WWOX: variants seen among roughly 807,000 people sequenced by gnomAD.
The protein encoded by WWOX is WW domain-containing oxidoreductase.
A neutral mutation model predicts 46.2 loss-of-function variants in WWOX; 69 were observed. That is an observed-to-expected ratio of 1.49 (90% confidence interval 1.23 to 1.82). WWOX has a LOEUF of 1.82. Ranked by LOEUF, WWOX falls within the 40% of genes most tolerant of loss-of-function variation. WWOX has a pLI of 0.00. For missense variants in WWOX, 919 were observed against 542.6 expected (o/e 1.69, Z -6.89); for synonymous variants, 359 against 202.6 (o/e 1.77, Z -6.56).
At chr16:78,905,060 G>A (rs2044926739) in intron 8 of WWOX, among the ~76,000 whole-genome samples, 1 of 152,108 alleles carries the variant, frequency 6.6e-6, no homozygotes, top group Admixed American at 6.6e-5. Context: ...AGCTAGAAAT[G>A]TGAGTCTCTG....
chr16:78,328,084 G>A lies in WWOX; in HGVS notation c.517-58776G>A, dbSNP rs190410781. Among the ~76,000 whole-genome samples, 411 of 152,080 alleles carry A rather than the reference G, an allele frequency of 2.7e-3. 2 individuals carry two copies. Among genetic ancestry groups the A allele is most frequent in the African/African-American group, 9.6e-3 (399 of 41,492 alleles). On this transcript the variant is annotated intron_variant, in intron 5 of 8. Transcript: ENST00000566780. ...AGATGACATTTTGCCATGTTGGCCA[G>A]GCTGGTCTTGAACTCCTGGCCTCAT...
intron 8 of WWOX, among the ~76,000 whole-genome samples, chr16:78,945,840 A>G (rs1246921741): frequency 5.9e-5 from 9 of 151,744 alleles, no homozygotes; most frequent in African/African-American, 1.2e-4. Flanking sequence ...CATGGAGGGA[A>G]CTTCATCTCG....
chr16:79,081,008 A>T (rs967674494), intron 8 of WWOX, among the ~76,000 whole-genome samples: 1 of 152,178 alleles, frequency 6.6e-6, no homozygotes, highest in South Asian at 2.1e-4. Context: ...ACGCACATGC[A>T]CACCCACCAG....
chr16:78,263,744 C>T (rs1291367783), intron 5 of WWOX, among the ~76,000 whole-genome samples: 6 of 152,054 alleles, frequency 3.9e-5, no homozygotes, highest in African/African-American at 1.4e-4. Flanking sequence ...CCAGAACTTC[C>T]CAGAGATTTA....
chr16:78,879,770 G>C (rs2044305747), intron 8 of WWOX, among the ~76,000 whole-genome samples: 1 of 152,064 alleles, frequency 6.6e-6, no homozygotes, highest in Admixed American at 6.5e-5. Flanking sequence ...CCAGCTACTT[G>C]GGAGGCTGAG....
At chr16:78,321,335 TG>T (rs2080469639) in intron 5 of WWOX, among the ~76,000 whole-genome samples, 1 of 56,538 alleles carries the variant, frequency 1.8e-5, no homozygotes, top group African/African-American at 7.2e-5. Context: ...TACGTATATA[TG>T]CGTATATATA....
At chr16:78,968,945 A>T (rs2046416503) in intron 8 of WWOX, among the ~76,000 whole-genome samples, 1 of 152,038 alleles carries the variant, frequency 6.6e-6, no homozygotes, top group African/African-American at 2.4e-5. Flanking sequence ...AACTTGAAAT[A>T]GCACAGCTTT....
rs114020640 is a variant in WWOX, at chr16:78,869,900, A to G, written c.1057-341708A>G. ...TTTCCCAAATAACTGAGGGGCCAGC[A>G]CATTTGGAGAACATGGGATTTATCA... On this transcript the variant is annotated intron_variant, in intron 8 of 8. Transcript: ENST00000566780. Among the ~76,000 whole-genome samples the G allele has an allele frequency of 5.8e-3, 878 of 152,306 alleles. 6 individuals carry two copies. The highest frequency in any genetic ancestry group is 0.02 in the African/African-American group (823 of 41,572).
At chr16:78,516,610 G>A (rs573610449) in intron 8 of WWOX, among the ~76,000 whole-genome samples, 23 of 152,158 alleles carry the variant, frequency 1.5e-4, no homozygotes, top group African/African-American at 4.1e-4. Context: ...CCCAGCCATC[G>A]TTCTCCATTT....
At chr16:79,009,628 T>C (rs2047263294) in intron 8 of WWOX, among the ~76,000 whole-genome samples, 2 of 152,172 alleles carry the variant, frequency 1.3e-5, no homozygotes. Context: ...TGTTTGTATT[T>C]TTGGTAAAGA....
At chr16:78,763,305 T>C (rs1169445298) in intron 8 of WWOX, among the ~76,000 whole-genome samples, 1 of 152,264 alleles carries the variant, frequency 6.6e-6, no homozygotes, top group African/African-American at 2.4e-5. Context: ...ATTCAAAATA[T>C]GTTCCAATTT....
chr16:78,806,519 C>A (rs560531873), intron 8 of WWOX, among the ~76,000 whole-genome samples: 1 of 152,092 alleles, frequency 6.6e-6, no homozygotes, highest in African/African-American at 2.4e-5. Context: ...ACTCATGAGT[C>A]TGAGGATTGA....
chr16:78,781,748 C>A (rs1280903693), intron 8 of WWOX, among the ~76,000 whole-genome samples: 1 of 152,214 alleles, frequency 6.6e-6, no homozygotes, highest in East Asian at 1.9e-4. Flanking sequence ...GCACTCCAGT[C>A]TGGGCAACAG....
In WWOX at chr16:78,558,513, C is replaced by G. The variant is rs190266215; in HGVS notation, c.1056+125761C>G. Among the ~76,000 whole-genome samples, 1,205 of 152,368 alleles carry G rather than the reference C, an allele frequency of 7.9e-3. 10 individuals carry two copies. The highest frequency in any genetic ancestry group is 0.017 in the Middle Eastern group (5 of 294). ...TTGAGCAGCGGCTGCCCCTCTTTAG[C>G]TGGGGCATGTGCCCTGTGGTTTGCC... On this transcript the variant is annotated intron_variant, in intron 8 of 8. Coordinates refer to ENST00000566780, the MANE Select transcript of WWOX (RefSeq NM_016373.4).
At chr16:78,575,777 A>G (rs1267038150) in intron 8 of WWOX, among the ~76,000 whole-genome samples, 1 of 152,150 alleles carries the variant, frequency 6.6e-6, no homozygotes, top group African/African-American at 2.4e-5. Flanking sequence ...TTAACCCAAC[A>G]TGGTGAAGTT....
intron 8 of WWOX, among the ~76,000 whole-genome samples, chr16:78,704,823 G>C (rs1400303304): frequency 2.0e-5 from 3 of 152,064 alleles, no homozygotes; most frequent in Non-Finnish European, 4.4e-5. Context: ...CTGAGGCTGA[G>C]CAGTTTCAGA....
chr16:79,066,265 C>G (rs992362694), intron 8 of WWOX, among the ~76,000 whole-genome samples: 1 of 152,166 alleles, frequency 6.6e-6, no homozygotes, highest in Non-Finnish European at 1.5e-5. Context: ...CTCTGGTTAT[C>G]CTCAGTCATG....
chr16:79,134,724 A>G (rs1597405334), intron 8 of WWOX, among the ~76,000 whole-genome samples: 2 of 152,314 alleles, frequency 1.3e-5, no homozygotes, highest in East Asian at 3.9e-4. Context: ...GGCTCAGAGA[A>G]ATGAAGTAAC....
chr16:78,670,239 G>A (rs1008324545), intron 8 of WWOX, among the ~76,000 whole-genome samples: 1 of 152,096 alleles, frequency 6.6e-6, no homozygotes, highest in African/African-American at 2.4e-5. Flanking sequence ...AGCGTGTGTT[G>A]AATGCCAGCC....
Sources: allele counts gnomAD v4.1 joint callset (sites outside exome capture counted in the v4.1 genomes callset), GRCh38; gene constraint gnomAD v4.1.1; transcripts MANE v1.5; gene names NCBI Gene and HGNC (gene_info 2026-07-23, HGNC 2026-07-21).